The following SOX5 variants were observed in gnomAD, a reference collection of about 807,000 sequenced individuals.
SOX5 encodes the protein transcription factor SOX-5.
In SOX5, 9 loss-of-function variants were observed where a neutral mutation model predicts 92.0. The ratio of observed to expected loss-of-function variants is 0.10; its 90% CI spans 0.06 to 0.17. SOX5 has a LOEUF of 0.17. Ranked by LOEUF, SOX5 falls within the 10% of genes least tolerant of loss-of-function variation. The probability of loss-of-function intolerance (pLI) is 1.00; values close to 1 mark genes in which losing one functional copy is unlikely to be tolerated. For synonymous variants in SOX5, 344 were observed against 336.3 expected, an observed-to-expected ratio of 1.02 and a Z score of -0.25; for missense variants, 642 against 944.5, an observed-to-expected ratio of 0.68 and a Z score of 4.20.
chr12:24,019,334 T>C (rs1954031803), intron 4 of SOX5, among the ~76,000 whole-genome samples: 1 of 152,154 alleles, frequency 6.6e-6, no homozygotes, highest in Non-Finnish European at 1.5e-5. Flanking sequence ...TATAGACATC[T>C]CTACTCAAGG....
chr12:23,779,255 C>T lies in SOX5; in HGVS notation c.482-23531G>A, dbSNP rs541208928. Among the ~76,000 whole-genome samples the T allele has an allele frequency of 4.0e-4, 60 of 151,842 alleles. 1 individual carries two copies. The highest frequency in any genetic ancestry group is 1.4e-3 in the African/African-American group (59 of 41,418). On this transcript the variant is annotated intron_variant, in intron 3 of 14. Transcript: ENST00000451604. ...TTTTATGACACTTCAGGCACAATAG[C>T]AAATTCAAGAGCAATTATTGCAAAA...
At chr12:23,922,835 T>A (rs1005996206) in intron 1 of SOX5, among the ~76,000 whole-genome samples, 6 of 152,132 alleles carry the variant, frequency 3.9e-5, no homozygotes, top group Admixed American at 6.5e-5. Flanking sequence ...GACATTGCAG[T>A]CTCGTGAGGA....
At chr12:24,089,243 C>T (rs987680792) in intron 4 of SOX5, among the ~76,000 whole-genome samples, 2 of 152,042 alleles carry the variant, frequency 1.3e-5, no homozygotes, top group African/African-American at 4.8e-5. Context: ...TAGGAAAGAG[C>T]AGATTTTTCT....
In SOX5 at chr12:23,895,928, G is replaced by T. The variant is rs746966756; in HGVS notation, c.135C>A (p.Asp45Glu). The T allele has an allele frequency of 5.0e-6, 8 of 1,613,678 alleles. No individual in the cohort carries two copies. The highest frequency in any genetic ancestry group is 1.7e-5 in the Admixed American group (1 of 59,996). Residue 45 changes from aspartate (D) to glutamate (E), a missense_variant, in exon 2 of 15, where the codon GAC becomes GAA. Asp to Glu is a conservative substitution (Grantham distance 45). Coordinates refer to ENST00000451604, the MANE Select transcript of SOX5 (RefSeq NM_006940.6). Reference sequence around the variant, plus strand: ...AGGGAAGGTGAAAGGCTGGGAGCCCGTCACTCTCCTCTTCTTCCACTTTCT... The same window carrying T: ...AGGGAAGGTGAAAGGCTGGGAGCCCTTCACTCTCCTCTTCTTCCACTTTCT... ...SRQKVEEEES[D>E]GLPAFHLPLH...
chr12:24,018,088 A>G (rs974261693), intron 4 of SOX5, among the ~76,000 whole-genome samples: 1 of 152,006 alleles, frequency 6.6e-6, no homozygotes, highest in African/African-American at 2.4e-5. Context: ...ATCCTATTAA[A>G]TCCTTCCTTC....
intron 3 of SOX5, among the ~76,000 whole-genome samples, chr12:23,802,805 C>G (rs73089528): frequency 0.12 from 17,640 of 152,150 alleles, 1,253 homozygotes; most frequent in South Asian, 0.19. Flanking sequence ...CTTAACTCTG[C>G]AACTCACATA....
At chr12:24,429,844 T>C (rs957194207) in intron 1 of SOX5, among the ~76,000 whole-genome samples, 4 of 152,310 alleles carry the variant, frequency 2.6e-5, no homozygotes, top group Middle Eastern at 3.4e-3. Context: ...TAACATCCAA[T>C]ACAACAGGTT....
chr12:24,041,766 T>C (rs1956550670), intron 4 of SOX5, among the ~76,000 whole-genome samples: 1 of 152,132 alleles, frequency 6.6e-6, no homozygotes, highest in African/African-American at 2.4e-5. Flanking sequence ...AAAAAGTAGA[T>C]AATAACATTA....
At position 24,434,838 on chromosome 12, in the gene SOX5, G is replaced by A. The variant is rs573829555; in HGVS notation, c.-250-66199C>T. Among the ~76,000 whole-genome samples the A allele has an allele frequency of 2.6e-5, 4 of 152,306 alleles. No individual in the cohort carries two copies. The East Asian group carries it at 7.7e-4, about 29-fold the overall frequency. On this transcript the variant is annotated intron_variant, in intron 1 of 4. Coordinates refer to the SOX5 transcript ENST00000446891. ...TGCTTTCTGTCCAGCCTGCAGAACC[G>A]TGAACCAATTAAACCTCTTTTCTTT...
At position 24,263,881 on chromosome 12, in the gene SOX5, G is replaced by A. The variant is rs188193937; in HGVS notation, c.-77+13335C>T. 5.1e-4 allele frequency among the ~76,000 whole-genome samples: 77 copies of A among 152,256 alleles called. No individual in the cohort carries two copies. The Middle Eastern group carries it at 0.01, about 20-fold the overall frequency. On this transcript the variant is annotated intron_variant, in intron 3 of 4. Coordinates refer to the SOX5 transcript ENST00000446891. Reference sequence around the variant, plus strand: ...CATTCCTGCACACTTGTACTTTCTAGTAGTTATGCAGCCTTAATCTTCTAG... The same window carrying A: ...CATTCCTGCACACTTGTACTTTCTAATAGTTATGCAGCCTTAATCTTCTAG...
At chr12:24,177,583 T>TATTAAAGTTATGTTTTATTAAAGTC (rs1954965744) in intron 4 of SOX5, among the ~76,000 whole-genome samples, 1 of 152,198 alleles carries the variant, frequency 6.6e-6, no homozygotes, top group Non-Finnish European at 1.5e-5. Context: ...GGGTTGTTTT[T>TATTAAAGTTATGTTTTATTAAAGTC]ATATTAAAGT....
chr12:23,599,244 A>G (rs1317606725), intron 9 of SOX5, among the ~76,000 whole-genome samples: 1 of 152,220 alleles, frequency 6.6e-6, no homozygotes, highest in East Asian at 1.9e-4. Flanking sequence ...TCTGAATTTG[A>G]AGCAACATTA....
At chr12:23,990,971 T>C (rs1341693047) in intron 4 of SOX5, among the ~76,000 whole-genome samples, 1 of 151,996 alleles carries the variant, frequency 6.6e-6, no homozygotes, top group African/African-American at 2.4e-5. Flanking sequence ...AATTTAACTG[T>C]TAATATAGGT....
intron 3 of SOX5, among the ~76,000 whole-genome samples, chr12:24,272,599 C>T (rs544705492): frequency 6.6e-6 from 1 of 152,048 alleles, no homozygotes; most frequent in African/African-American, 2.4e-5. Context: ...TTATTAAATG[C>T]CTTCCCTGCA....
chr12:23,993,903 G>GTATC lies in SOX5; in HGVS notation c.-1-97880_-1-97879insGATA, dbSNP rs1267542563. 4.3e-4 allele frequency among the ~76,000 whole-genome samples: 65 copies of GTATC among 151,996 alleles called. 1 individual carries two copies. Among genetic ancestry groups the GTATC allele is most frequent in the African/African-American group, 1.5e-3 (63 of 41,422 alleles). ...TGTATGTATGTATGTATGTATGTAT[G>GTATC]TATGTATGTATGCATGTATGCATGT... On this transcript the variant is annotated intron_variant, in intron 4 of 4. Transcript: ENST00000446891.
intron 2 of SOX5, among the ~76,000 whole-genome samples, chr12:24,289,721 CTGGGAT>C: frequency 8.3e-6 from 1 of 120,568 alleles, no homozygotes. Flanking sequence ...TCCCAAAGTG[CTGGGAT>C]TACAGGCGTG....
In SOX5 at chr12:23,655,409, CTG is replaced by C. The variant is rs550821695; in HGVS notation, c.931+10033_931+10034del. ...AGAATACTATGTCTACATTTTGCCT[CTG>C]TGTCTTATGAAGAAATGAATGGTCC... is the stretch of plus-strand genomic sequence containing the variant. On this transcript the variant is annotated intron_variant, in intron 7 of 14. Transcript: ENST00000451604. 4.6e-5 allele frequency among the ~76,000 whole-genome samples: 7 copies of C among 152,238 alleles called. No individual in the cohort carries two copies. In the East Asian group the frequency reaches 1.4e-3, roughly 29 times the overall value.
chr12:24,425,903 A>T (rs889849244), intron 1 of SOX5, among the ~76,000 whole-genome samples: 12 of 152,196 alleles, frequency 7.9e-5, no homozygotes, highest in African/African-American at 2.9e-4. Context: ...TTCCTCATCC[A>T]CATCACCTAA....
intron 4 of SOX5, among the ~76,000 whole-genome samples, chr12:23,999,651 C>A (rs181445906): frequency 1.4e-4 from 21 of 151,970 alleles, no homozygotes; most frequent in Admixed American, 1.1e-3. Flanking sequence ...TTAAAAAAGT[C>A]TTTTACTTTA....
Sources: gnomAD v4.1 joint callset for allele counts (sites outside exome capture counted in the v4.1 genomes callset) on GRCh38, gnomAD v4.1.1 for gene constraint, MANE v1.5 for transcripts, NCBI Gene and HGNC (gene_info 2026-07-23, HGNC 2026-07-21) for gene names.